The following PRPF40B variants were observed in gnomAD, a reference collection of about 807,000 sequenced individuals.
PRPF40B encodes the protein pre-mRNA-processing factor 40 homolog B.
Under a neutral mutation model 124.5 loss-of-function variants are expected in PRPF40B, and 56 were observed. That is an observed-to-expected ratio of 0.45 (90% CI 0.36 to 0.56). PRPF40B has a LOEUF of 0.56. PRPF40B is among the 20% of genes least tolerant of loss of function. The probability of loss-of-function intolerance (pLI) is 0.00; values close to 1 mark genes in which losing one functional copy is unlikely to be tolerated. For missense variants in PRPF40B, 1,053 were observed against 1,169.5 expected, an observed-to-expected ratio of 0.90 and a Z score of 1.45; for synonymous variants, 443 against 426.4, an observed-to-expected ratio of 1.04 and a Z score of -0.48.
In PRPF40B at chr12:49,642,110, A is replaced by G; in HGVS notation, c.1884+86A>G. ...TCTCACTCACTGTCCCACTGACTAT[A>G]TTCCCAATTCAGGGGATGGTGGTAG... On this transcript the variant is annotated intron_variant, in intron 19 of 25. Coordinates refer to ENST00000548825, the MANE Select transcript of PRPF40B (RefSeq NM_001031698.3). The surrounding 1 kb of genome is among the most constrained non-coding windows in gnomAD (Gnocchi z 5.8). 8 of 1,602,590 alleles carry G rather than the reference A, an allele frequency of 5.0e-6. No individual in the cohort carries two copies. Among genetic ancestry groups the G allele is most frequent in the Non-Finnish European group, 6.8e-6 (8 of 1,171,776 alleles).
chr12:49,636,871 G>C, intron 16 of PRPF40B, 22 bp downstream of exon 16: 4 of 1,612,874 alleles, frequency 2.5e-6, no homozygotes, highest in Non-Finnish European at 3.4e-6. Flanking sequence ...GTCCTTTCTA[G>C]ATCAGAGCTC....
intron 18 of PRPF40B, chr12:49,638,140 C>A: frequency 3.3e-6 from 1 of 306,128 alleles, no homozygotes; most frequent in Non-Finnish European, 6.2e-6. Context: ...TTGGAGTGTA[C>A]ACGGGGTACT....
chr12:49,632,242 G>C, intron 4 of PRPF40B: 1 of 580,028 alleles, frequency 1.7e-6, no homozygotes, highest in Non-Finnish European at 3.1e-6. Flanking sequence ...TTTGTCCCCA[G>C]AAGAGTCAGT....
intron 1 of PRPF40B, chr12:49,623,970 T>C: frequency 9.4e-7 from 1 of 1,063,340 alleles, no homozygotes; most frequent in South Asian, 4.5e-5. Flanking sequence ...TCCTGGGATA[T>C]TTGGTGTGCG....
chr12:49,641,915 G>C lies in PRPF40B; in HGVS notation c.1775G>C (p.Gly592Ala). 6.2e-7 allele frequency: 1 copy of C among 1,613,268 alleles called. No individual in the cohort carries two copies. Among genetic ancestry groups the C allele is most frequent in the South Asian group, 1.1e-5 (1 of 91,042 alleles). The change falls in exon 19 of 26, where the codon GGC becomes GCC. Residue 592 changes from glycine (G) to alanine (A), a missense_variant. This residue lies in a region of PRPF40B where 895 missense variants were observed against 1,052.2 expected (regional missense o/e 0.85). Coordinates refer to ENST00000548825, the MANE Select transcript of PRPF40B (RefSeq NM_001031698.3). ...GCACTGCTGTACCCACAGGACCGGG[G>C]CTTCTGCGTGGAGGTGAACACGGCC... The part of the protein sequence containing the change: ...KIIKDILKDR[G>A]FCVEVNTAFE...
chr12:49,643,104 T>G, intron 22 of PRPF40B, 88 bp downstream of exon 22: 1 of 1,586,874 alleles, frequency 6.3e-7, no homozygotes. Context: ...ATATCTCCCT[T>G]GGAGGGAAGT....
intron 16 of PRPF40B, 77 bp from the exon 17 acceptor site, chr12:49,637,393 A>C (rs1941975861): frequency 1.2e-5 from 12 of 978,450 alleles, no homozygotes; most frequent in Non-Finnish European, 1.9e-5. Context: ...TTCCTCTGCC[A>C]TTCCCTCTCT....
chr12:49,642,458 C>T lies in PRPF40B; in HGVS notation c.2022+86C>T. 1 of 1,575,770 alleles carries T rather than the reference C, an allele frequency of 6.3e-7. No individual in the cohort carries two copies. The highest frequency in any genetic ancestry group is 8.7e-7 in the Non-Finnish European group (1 of 1,148,204). On this transcript the variant is annotated intron_variant, in intron 20 of 25. Coordinates refer to ENST00000548825, the MANE Select transcript of PRPF40B (RefSeq NM_001031698.3). This position sits in a 1 kb window ranked among gnomAD's most constrained non-coding sequence, Gnocchi z 5.8. ...CTGAGGGCCCACCCCAGTCACGTCACAGCCCTGGGCCAGCTCCAGTTCCCT... is the reference window on the plus strand; with the variant it reads ...CTGAGGGCCCACCCCAGTCACGTCATAGCCCTGGGCCAGCTCCAGTTCCCT...
At position 49,631,404 on chromosome 12, in the gene PRPF40B, C is replaced by G; in HGVS notation, c.88C>G (p.Pro30Ala). The G allele has an allele frequency of 2.7e-6, 4 of 1,487,136 alleles. No homozygotes were observed. The highest frequency in any genetic ancestry group is 3.6e-6 in the Non-Finnish European group (4 of 1,118,662). 92.1% of individuals were successfully genotyped at this position (1,487,136 alleles called of 1,614,324 possible). ...GPPMMPPPFMPPPGIPPPFPP... is the reference protein window; with the variant it reads ...GPPMMPPPFMAPPGIPPPFPP... Reference sequence around the variant, plus strand: ...CTCTTCCTTTACTCATTTCCAGATGCCCCCTCCAGGGATCCCCCCACCCTT... The same window carrying G: ...CTCTTCCTTTACTCATTTCCAGATGGCCCCTCCAGGGATCCCCCCACCCTT... Residue 30 changes from proline to alanine, a missense_variant, in exon 3 of 26, where the codon CCC becomes GCC. By Grantham distance (27) the Pro-to-Ala change is conservative (BLOSUM62 -1). Coordinates refer to ENST00000548825, the MANE Select transcript of PRPF40B (RefSeq NM_001031698.3). This position sits in a 1 kb window ranked among gnomAD's most constrained non-coding sequence, Gnocchi z 4.3.
chr12:49,641,870 A>G, intron 18 of PRPF40B, 38 bp from the exon 19 acceptor site: 10 of 1,581,956 alleles, frequency 6.3e-6, no homozygotes, highest in African/African-American at 5.4e-5. Flanking sequence ...GGCCTCAGGC[A>G]CGTGGTGCCC....
chr12:49,624,383 G>T (rs1048524286), intron 1 of PRPF40B, among the ~76,000 whole-genome samples: 3 of 151,944 alleles, frequency 2.0e-5, no homozygotes, highest in African/African-American at 7.3e-5. Context: ...CCACGGGTGC[G>T]GGGGGATGGT....
chr12:49,637,276 T>C, intron 16 of PRPF40B, 194 bp from the exon 17 acceptor site: 1 of 598,636 alleles, frequency 1.7e-6, no homozygotes, highest in African/African-American at 1.9e-5. Flanking sequence ...TGTCCCTCTC[T>C]GTGTATTTAC....
At chr12:49,633,767 C>G (rs1941474052) in intron 9 of PRPF40B, 106 bp downstream of exon 9, 1 of 1,605,568 alleles carries the variant, frequency 6.2e-7, no homozygotes, top group Non-Finnish European at 8.5e-7. Context: ...CCAGCTCTGT[C>G]TCCTTGTGGA....
intron 18 of PRPF40B, 59 bp downstream of exon 18, chr12:49,637,883 G>A (rs963549504): frequency 1.1e-5 from 15 of 1,380,300 alleles, no homozygotes; most frequent in Non-Finnish European, 1.5e-5. Flanking sequence ...ACTCCCTGCA[G>A]AGGACTCCCT....
In PRPF40B at chr12:49,643,463, C is replaced by T. The variant is rs1053969673; in HGVS notation, c.2380+66C>T. ...TCCCAGACTGAGAGGATGCCCTCCA[C>T]AAGCCCCAGCTCCTTTGAGGGTAGA... On this transcript the variant is annotated intron_variant, in intron 23 of 25. Coordinates refer to ENST00000548825, the MANE Select transcript of PRPF40B (RefSeq NM_001031698.3). 6 of 1,506,214 alleles carry T rather than the reference C, an allele frequency of 4.0e-6. No individual in the cohort carries two copies. In the African/African-American group the frequency reaches 7.0e-5, roughly 18 times the overall value. 93.3% of individuals were successfully genotyped at this position (1,506,214 alleles called of 1,614,324 possible). A position where few individuals can be genotyped will look rare whatever the true frequency, so the allele number is the denominator to read the frequency against.
chr12:49,634,059 G>A lies in PRPF40B; in HGVS notation c.779G>A (p.Gly260Glu), dbSNP rs1941502171. 2 of 1,613,432 alleles carry A rather than the reference G, an allele frequency of 1.2e-6. No homozygotes were observed. Among genetic ancestry groups the A allele is most frequent in the Non-Finnish European group, 1.7e-6 (2 of 1,179,912 alleles). Residue 260 changes from glycine (G) to glutamate (E), a missense_variant, in exon 10 of 26, where the codon GGG (glycine) becomes GAG (glutamate). Coordinates refer to ENST00000548825, the MANE Select transcript of PRPF40B (RefSeq NM_001031698.3). ...VLEATQPLEQ[G>E]FLQQLEEGPS... is the part of the protein sequence containing the mutation. ...GAGGCCACCCAGCCCCTGGAACAGG[G>A]GTTCCTGCAGCAGCTGGAGGAGGGC...
At chr12:49,638,033 A>T in intron 18 of PRPF40B, 1 of 561,714 alleles carries the variant, frequency 1.8e-6, no homozygotes, top group South Asian at 2.3e-5. Flanking sequence ...GATATACATG[A>T]GAACTGTTAT....
intron 10 of PRPF40B, 62 bp downstream of exon 10, chr12:49,634,154 CT>C: frequency 6.3e-7 from 1 of 1,586,306 alleles, no homozygotes; most frequent in Admixed American, 1.7e-5. Flanking sequence ...TGGTTCAACC[CT>C]TGTCCTCTGC....
intron 18 of PRPF40B, chr12:49,638,097 A>T: frequency 2.4e-6 from 1 of 411,222 alleles, no homozygotes; most frequent in Non-Finnish European, 4.4e-6. Context: ...TAACATTTGA[A>T]CTGTGCATTT....
Sources: gnomAD v4.1 joint callset for allele counts (sites outside exome capture counted in the v4.1 genomes callset) on GRCh38, gnomAD v4.1.1 for gene constraint, gnomAD v4.1.1 regional missense constraint, Gnocchi (gnomAD v3.1) non-coding constraint, MANE v1.5 for transcripts, NCBI Gene and HGNC (gene_info 2026-07-23, HGNC 2026-07-21) for gene names.